The following UGT1A5 variants were observed in gnomAD, a reference collection of about 807,000 sequenced individuals.
UGT1A5 encodes UDP glucuronosyltransferase family 1 member A5, also known as UDP-glucuronosyltransferase 1A5.
UGT1A5 carries 29 observed loss-of-function variants against 40.3 expected under a neutral mutation model. The ratio of observed to expected loss-of-function variants is 0.72; its 90% CI spans 0.54 to 0.98. The LOEUF (loss-of-function observed/expected upper bound fraction) is 0.98, where lower values mean the gene tolerates loss of function less well. UGT1A5 is among the 50% of genes least tolerant of loss of function. The pLI is 0.00. For synonymous variants in UGT1A5, 257 were observed against 262.5 expected, an observed-to-expected ratio of 0.98 and a Z score of 0.20; for missense variants, 678 against 677.9, an observed-to-expected ratio of 1.00 and a Z score of 0.00.
intron 3 of UGT1A5, 40 bp from the exon 4 acceptor site, chr2:233,768,180 G>C: frequency 6.2e-7 from 1 of 1,613,956 alleles, no homozygotes; most frequent in Admixed American, 1.7e-5. Context: ...GTGAAACTCA[G>C]AGATGTAACT....
rs1700519300 is a variant in UGT1A5 at position 233,772,417 on chromosome 2, A to G, written c.1463A>G (p.His488Arg). Residue 488 changes from histidine to arginine, a missense_variant, in exon 5 of 5, where the codon CAT (histidine) becomes CGT (arginine). Coordinates refer to ENST00000373414, the MANE Select transcript of UGT1A5 (RefSeq NM_019078.2). ...CACGACCTCACCTGGTACCAGTACCATTCCTTGGACGTGATTGGTTTCCTC... is the reference window on the plus strand; with the variant it reads ...CACGACCTCACCTGGTACCAGTACCGTTCCTTGGACGTGATTGGTTTCCTC... ...AAHDLTWYQYHSLDVIGFLLA... is the reference protein window; with the variant it reads ...AAHDLTWYQYRSLDVIGFLLA... 1.2e-6 allele frequency: 2 copies of G among 1,614,214 alleles called. No individual in the cohort carries two copies. The highest frequency in any genetic ancestry group is 2.7e-5 in the African/African-American group (2 of 75,044).
rs1183097052 is a variant in UGT1A5, at chr2:233,768,306, A to G, written c.1174A>G (p.Met392Val). Residue 392 changes from methionine to valine, a missense_variant, in exon 4 of 5, where the codon ATG (methionine) becomes GTG (valine). Met to Val is a conservative substitution (Grantham distance 21, BLOSUM62 1). Coordinates refer to ENST00000373414, the MANE Select transcript of UGT1A5 (RefSeq NM_019078.2). ...ATGCAATGGCGTTCCCATGGTGATG[A>G]TGCCCTTGTTTGGTGATCAGATGGA... ...SICNGVPMVM[M>V]PLFGDQMDNA... 6.2e-7 allele frequency: 1 copy of G among 1,614,086 alleles called. No homozygotes were observed. The highest frequency in any genetic ancestry group is 1.7e-5 in the Admixed American group (1 of 60,000).
chr2:233,740,631 C>T (rs1198172888), intron 1 of UGT1A5: 3 of 151,760 alleles, frequency 2.0e-5, no homozygotes, highest in Admixed American at 2.0e-4. Flanking sequence ...CAGGGTCATG[C>T]CTTTCCTTGC....
In UGT1A5 at chr2:233,747,728, T is replaced by C. The variant is rs1488461574; in HGVS notation, c.868-19306T>C. 2.5e-6 allele frequency: 4 copies of C among 1,613,386 alleles called. No homozygotes were observed. In the African/African-American group the frequency reaches 4.0e-5, roughly 16 times the overall value. Reference sequence around the variant, plus strand: ...ACCTATCAATTCCTGCTGTGTTTTTTTTGAGGAACATTCCATGTGATTTAG... The same window carrying C: ...ACCTATCAATTCCTGCTGTGTTTTTCTTGAGGAACATTCCATGTGATTTAG... On this transcript the variant is annotated intron_variant, in intron 1 of 4. Coordinates refer to ENST00000373414, the MANE Select transcript of UGT1A5 (RefSeq NM_019078.2).
At chr2:233,759,467 C>T (rs1000519909) in intron 1 of UGT1A5, among the ~76,000 whole-genome samples, 1 of 152,186 alleles carries the variant, frequency 6.6e-6, no homozygotes, top group Non-Finnish European at 1.5e-5. Flanking sequence ...CACTCAAGAT[C>T]TATCTTACAG....
chr2:233,759,264 GCTGCATT>G (rs1697095056), intron 1 of UGT1A5, among the ~76,000 whole-genome samples: 1 of 152,204 alleles, frequency 6.6e-6, no homozygotes, highest in South Asian at 2.1e-4. Context: ...GGTCACTGCA[GCTGCATT>G]CTGATTGGTT....
chr2:233,763,199 G>A (rs1698259470), intron 1 of UGT1A5, among the ~76,000 whole-genome samples: 1 of 152,320 alleles, frequency 6.6e-6, no homozygotes, highest in African/African-American at 2.4e-5. Context: ...CTTGTTTGGT[G>A]CAGTCAGGCT....
intron 1 of UGT1A5, among the ~76,000 whole-genome samples, chr2:233,744,391 C>A (rs1383619511): frequency 6.6e-6 from 1 of 151,826 alleles, no homozygotes; most frequent in Non-Finnish European, 1.5e-5. Flanking sequence ...ACGTTCCAGC[C>A]CCGGTGCCCA....
intron 4 of UGT1A5, 141 bp from the exon 5 acceptor site, chr2:233,772,121 A>G (rs1700464969): frequency 3.3e-6 from 5 of 1,536,424 alleles, no homozygotes; most frequent in East Asian, 2.5e-5. Flanking sequence ...TCTAAAAACA[A>G]CAACAACAAC....
intron 1 of UGT1A5, chr2:233,729,857 CAGT>C (rs759461021): frequency 1.9e-6 from 3 of 1,613,876 alleles, no homozygotes; most frequent in Non-Finnish European, 2.5e-6. Flanking sequence ...AGAGAGGTGT[CAGT>C]GGTGGATATT....
At chr2:233,750,552 C>T (rs1256274617) in intron 1 of UGT1A5, 4 of 151,954 alleles carry the variant, frequency 2.6e-5, no homozygotes, top group Non-Finnish European at 5.9e-5. Context: ...ACATCAGAGA[C>T]CTTTGCAGCA....
chr2:233,757,111 A>C (rs13404099), intron 1 of UGT1A5, among the ~76,000 whole-genome samples: 1 of 151,320 alleles, frequency 6.6e-6, no homozygotes, highest in East Asian at 2.0e-4. Context: ...GGCAAGCAGA[A>C]GGGCTAGAGA....
At chr2:233,760,433 A>G (rs771774728) in intron 1 of UGT1A5, 1 of 1,614,234 alleles carries the variant, frequency 6.2e-7, no homozygotes, top group Non-Finnish European at 8.5e-7. Context: ...GCCATCCAGC[A>G]GCTGCAGCAG....
rs183557056 is a variant in UGT1A5 at position 233,739,734 on chromosome 2, G to A, written c.867+25876G>A. Reference sequence around the variant, plus strand: ...GGAAGGGACTTGACTTGTCTCAGATGAGACCTTGGACTATGGACTTTTGAG... The same window carrying A: ...GGAAGGGACTTGACTTGTCTCAGATAAGACCTTGGACTATGGACTTTTGAG... On this transcript the variant is annotated intron_variant, in intron 1 of 4. Transcript: ENST00000373414. Among the ~76,000 whole-genome samples the A allele has an allele frequency of 9.2e-3, 1,401 of 152,178 alleles. 30 individuals carry two copies. The highest frequency in any genetic ancestry group is 0.032 in the African/African-American group (1,315 of 41,414).
At chr2:233,729,020 A>G in intron 1 of UGT1A5, 2 of 1,593,488 alleles carry the variant, frequency 1.3e-6, no homozygotes, top group Non-Finnish European at 8.6e-7. Flanking sequence ...TTCCAATTAC[A>G]CGTTGATTTG....
chr2:233,747,691 T>A, intron 1 of UGT1A5: 3 of 1,611,090 alleles, frequency 1.9e-6, no homozygotes, highest in Non-Finnish European at 2.5e-6. Context: ...TGTGGGGCAG[T>A]GCTGGCTAAG....
chr2:233,761,981 G>A (rs1697924435), intron 1 of UGT1A5, among the ~76,000 whole-genome samples: 1 of 152,178 alleles, frequency 6.6e-6, no homozygotes, highest in African/African-American at 2.4e-5. Context: ...CACCTTCGGA[G>A]GTGACCTTAT....
intron 1 of UGT1A5, among the ~76,000 whole-genome samples, chr2:233,741,146 C>T (rs1691577481): frequency 6.6e-6 from 1 of 151,880 alleles, no homozygotes; most frequent in Admixed American, 6.6e-5. Flanking sequence ...CCATTTATGA[C>T]AGCACTAATC....
In UGT1A5 at chr2:233,729,945, G is replaced by A. The variant is rs752275204; in HGVS notation, c.867+16087G>A. ...ACCCCAGGCCAATCATGCCCAACAT[G>A]GTCTTCATTGGGGGCATCAACTGTG... On this transcript the variant is annotated intron_variant, in intron 1 of 4. Coordinates refer to ENST00000373414, the MANE Select transcript of UGT1A5 (RefSeq NM_019078.2). The A allele has an allele frequency of 3.7e-6, 6 of 1,613,976 alleles. No individual in the cohort carries two copies. Among genetic ancestry groups the A allele is most frequent in the Admixed American group, 1.7e-5 (1 of 60,020 alleles).
Sources: allele counts gnomAD v4.1 joint callset (sites outside exome capture counted in the v4.1 genomes callset), GRCh38; gene constraint gnomAD v4.1.1; transcripts MANE v1.5; gene names NCBI Gene and HGNC (gene_info 2026-07-23, HGNC 2026-07-21).